The following ZNF423 variants were observed in gnomAD, a reference collection of about 807,000 sequenced individuals.
ZNF423 encodes the protein Ebf-associated zinc finger protein.
Under a neutral mutation model 95.8 loss-of-function variants are expected in ZNF423, and 12 were observed. That is an observed-to-expected ratio of 0.13 (90% confidence interval 0.08 to 0.20). The LOEUF (loss-of-function observed/expected upper bound fraction) is 0.20, where lower values mean the gene tolerates loss of function less well. Ranked by LOEUF, ZNF423 falls within the 10% of genes least tolerant of loss-of-function variation. The probability of loss-of-function intolerance (pLI) is 1.00; values close to 1 mark genes in which losing one functional copy is unlikely to be tolerated. For synonymous variants in ZNF423, 749 were observed against 711.9 expected (o/e 1.05, Z -0.83); for missense variants, 1,316 against 1,737.1 (o/e 0.76, Z 4.31).
chr16:49,815,017 G>A (rs1411838438), intron 1 of ZNF423, among the ~76,000 whole-genome samples: 5 of 152,114 alleles, frequency 3.3e-5, no homozygotes, highest in Non-Finnish European at 5.9e-5. Context: ...AAGCCACGTC[G>A]GGGAGGGCAG....
intron 3 of ZNF423, among the ~76,000 whole-genome samples, chr16:49,692,191 G>A (rs1281708220): frequency 6.6e-6 from 1 of 152,116 alleles, no homozygotes; most frequent in Non-Finnish European, 1.5e-5. Flanking sequence ...CTGGGTTCAA[G>A]CGATCCTCCT....
At chr16:49,639,256 A>G (rs1211359512) in intron 3 of ZNF423, among the ~76,000 whole-genome samples, 3 of 152,254 alleles carry the variant, frequency 2.0e-5, no homozygotes, top group African/African-American at 7.2e-5. Context: ...CAAAAGGAAG[A>G]CAAGTCCTGT....
chr16:49,831,918 T>C (rs1377653884), intron 1 of ZNF423, among the ~76,000 whole-genome samples: 2 of 151,652 alleles, frequency 1.3e-5, no homozygotes, highest in Non-Finnish European at 1.5e-5. Context: ...GGAGAATCAC[T>C]TGAACCAAGG....
At chr16:49,656,520 GA>G (rs796442964) in intron 3 of ZNF423, among the ~76,000 whole-genome samples, 41 of 149,076 alleles carry the variant, frequency 2.8e-4, no homozygotes, top group African/African-American at 9.6e-4. Context: ...AAAAAAAAAA[GA>G]AAAAAAAAGG....
At chr16:49,641,298 T>C (rs903599551) in intron 3 of ZNF423, among the ~76,000 whole-genome samples, 2 of 152,060 alleles carry the variant, frequency 1.3e-5, no homozygotes, top group Admixed American at 6.5e-5. Context: ...GGCCAAACAG[T>C]CAAATAAGAC....
intron 1 of ZNF423, among the ~76,000 whole-genome samples, chr16:49,802,637 C>A (rs951653581): frequency 6.6e-6 from 1 of 152,148 alleles, no homozygotes; most frequent in South Asian, 2.1e-4. Context: ...GCTGCAGAGA[C>A]CCCAGCTCTC....
At chr16:49,757,640 C>T (rs1228014370) in intron 2 of ZNF423, among the ~76,000 whole-genome samples, 2 of 152,330 alleles carry the variant, frequency 1.3e-5, no homozygotes, top group Admixed American at 1.3e-4. Context: ...CACGTGACCA[C>T]CTGCCTCCAA....
intron 5 of ZNF423, among the ~76,000 whole-genome samples, chr16:49,544,323 A>G (rs935514719): frequency 1.8e-4 from 27 of 152,324 alleles, no homozygotes; most frequent in Middle Eastern, 3.4e-3. Flanking sequence ...TATTTCTGCA[A>G]ACTCATCAAG....
chr16:49,559,048 G>T (rs543725608), intron 5 of ZNF423, among the ~76,000 whole-genome samples: 6 of 152,312 alleles, frequency 3.9e-5, no homozygotes, highest in African/African-American at 1.2e-4. Context: ...GCCCAGGCTT[G>T]CCCCAGGCAT....
At chr16:49,677,509 T>G (rs1053029403) in intron 3 of ZNF423, among the ~76,000 whole-genome samples, 1 of 151,804 alleles carries the variant, frequency 6.6e-6, no homozygotes, top group Non-Finnish European at 1.5e-5. Flanking sequence ...AGAATTTTGT[T>G]GCCAGGTGCA....
chr16:49,622,580 G>T (rs367761603), intron 5 of ZNF423, among the ~76,000 whole-genome samples: 1 of 152,192 alleles, frequency 6.6e-6, no homozygotes, highest in African/African-American at 2.4e-5. Flanking sequence ...CCTGTTCTGG[G>T]AGCACCCACA....
intron 5 of ZNF423, among the ~76,000 whole-genome samples, chr16:49,549,373 C>T (rs1969551895): frequency 6.6e-6 from 1 of 152,218 alleles, no homozygotes; most frequent in Non-Finnish European, 1.5e-5. Flanking sequence ...GGCCTCCAGC[C>T]AGATGGCAGG....
intron 3 of ZNF423, among the ~76,000 whole-genome samples, chr16:49,647,297 T>C (rs1311095188): frequency 1.3e-5 from 2 of 152,254 alleles, no homozygotes; most frequent in Non-Finnish European, 2.9e-5. Context: ...TGCTGGCCTC[T>C]TTCCTCACTG....
chr16:49,569,875 A>T (rs1351907327), intron 5 of ZNF423, among the ~76,000 whole-genome samples: 1 of 152,220 alleles, frequency 6.6e-6, no homozygotes, highest in African/African-American at 2.4e-5. Context: ...GCAGCCTAGG[A>T]GGTCAGTAAT....
At chr16:49,518,675 T>A in intron 7 of ZNF423, 1 of 362,946 alleles carries the variant, frequency 2.8e-6, no homozygotes, top group Non-Finnish European at 5.2e-6. Flanking sequence ...TGGCGATATA[T>A]TTTTACCTTT....
intron 4 of ZNF423, among the ~76,000 whole-genome samples, chr16:49,630,902 C>T (rs1225574973): frequency 1.3e-5 from 2 of 152,056 alleles, no homozygotes; most frequent in African/African-American, 2.4e-5. Context: ...GGGAGAAGGG[C>T]TGACCCCTCA....
intron 3 of ZNF423, among the ~76,000 whole-genome samples, chr16:49,730,370 A>T (rs2033132669): frequency 6.6e-6 from 1 of 152,196 alleles, no homozygotes; most frequent in Admixed American, 6.5e-5. Context: ...TCATCCCATC[A>T]GAAGCTCTGC....
intron 3 of ZNF423, among the ~76,000 whole-genome samples, chr16:49,682,635 G>C (rs2031410809): frequency 6.6e-6 from 1 of 152,174 alleles, no homozygotes; most frequent in African/African-American, 2.4e-5. Flanking sequence ...AGAGAGGAGA[G>C]GTTGGTGGGG....
Position 49,636,068 on chromosome 16 carries a change from T to C in ZNF423, c.3108A>G (p.Thr1036=). 1.9e-6 allele frequency: 3 copies of C among 1,613,888 alleles called. No individual in the cohort carries two copies. Among genetic ancestry groups the C allele is most frequent in the Non-Finnish European group, 2.5e-6 (3 of 1,179,894 alleles). The stretch of plus-strand genomic sequence containing the variant: ...TCTTGAGCTCAAGCGTGGAAGTGAC[T>C]GTCTGCATGCAGACCACACAGCGGA... ...TGFRCVVCMQ[T]VTSTLELKIH... is the part of the protein sequence containing the mutation. Residue 1036 remains threonine (T), a synonymous_variant, in exon 4 of 8, where the codon ACA becomes ACG. Transcript: ENST00000563137. This position sits in a 1 kb window ranked among gnomAD's most constrained non-coding sequence, Gnocchi z 8.6.
Sources: gnomAD v4.1 joint callset for allele counts (sites outside exome capture counted in the v4.1 genomes callset) on GRCh38, gnomAD v4.1.1 for gene constraint, Gnocchi (gnomAD v3.1) non-coding constraint, MANE v1.5 for transcripts, NCBI Gene and HGNC (gene_info 2026-07-23, HGNC 2026-07-21) for gene names.